Variants in TTC34 observed in about 807,000 individuals in gnomAD.
TTC34 encodes the protein tetratricopeptide repeat domain 34.
A neutral mutation model predicts 40.7 loss-of-function variants in TTC34; 44 were observed. That is an observed-to-expected ratio of 1.08 (90% CI 0.85 to 1.39). The LOEUF is 1.39. Among genes scored for constraint, TTC34 ranks in the 40% most tolerant of loss-of-function variants. The pLI, the probability that TTC34 is intolerant of heterozygous loss-of-function variation, is 0.00. For synonymous variants in TTC34, 422 were observed against 398.6 expected, an observed-to-expected ratio of 1.06 and a Z score of -0.70; for missense variants, 884 against 838.0, an observed-to-expected ratio of 1.05 and a Z score of -0.68.
At chr1:2,776,075 A>T (rs1643129039) in intron 6 of TTC34, 1 of 138,886 alleles carries the variant, frequency 7.2e-6, no homozygotes, top group Admixed American at 6.9e-5. Context: ...CTGGAACAGA[A>T]CCCCACAACT....
intron 6 of TTC34, among the ~76,000 whole-genome samples, chr1:2,756,008 T>A (rs1641493656): frequency 1.2e-5 from 1 of 86,342 alleles, no homozygotes; most frequent in Admixed American, 1.1e-4. Flanking sequence ...TCTGACACCC[T>A]GAAACAGCAC....
At chr1:2,685,134 G>A (rs182569778) in intron 6 of TTC34, among the ~76,000 whole-genome samples, 1 of 15,444 alleles carries the variant, frequency 6.5e-5, no homozygotes, top group South Asian at 1.8e-3. Flanking sequence ...GGCGAGCATC[G>A]GACGGCCTGG....
rs1444491614 is a variant in TTC34 at position 2,684,655 on chromosome 1, C to A, written c.2227-39092G>T. On this transcript the variant is annotated intron_variant, in intron 6 of 8. Coordinates refer to ENST00000401095, the Ensembl canonical transcript of TTC34. ...TCCTCACCTCCAGGTGAGCATCCGA[C>A]AGCCTGGAGCAGCACCCACACGCCC... Among the ~76,000 whole-genome samples the A allele has an allele frequency of 2.8e-4, 31 of 111,078 alleles. 2 individuals carry two copies. Among genetic ancestry groups the A allele is most frequent in the African/African-American group, 1.2e-3 (29 of 24,738 alleles). 72.9% of individuals were successfully genotyped at this position (111,078 alleles called of 152,430 possible).
At chr1:2,657,453 ACCCACGC>A (rs1639389914) in intron 6 of TTC34, among the ~76,000 whole-genome samples, 1 of 86,618 alleles carries the variant, frequency 1.2e-5, no homozygotes, top group Non-Finnish European at 2.9e-5. Flanking sequence ...ATGGAGCAGC[ACCCACGC>A]CCCCAGGCGA....
chr1:2,644,246 G>T lies in TTC34; in HGVS notation c.2712+18C>A. 1 of 1,528,372 alleles carries T rather than the reference G, an allele frequency of 6.5e-7. No individual in the cohort carries two copies. Among genetic ancestry groups the T allele is most frequent in the Non-Finnish European group, 8.8e-7 (1 of 1,141,746 alleles). The allele number at this position is 1,528,372 out of a possible 1,614,324, so 94.7% of individuals were successfully genotyped here. On this transcript the variant is annotated intron_variant, in intron 8 of 8. Coordinates refer to ENST00000401095, the Ensembl canonical transcript of TTC34. ...TGGGGAAGGTTGGGGTGGGAGATCT[G>T]TGGGGTTCTTTGGGCACCTGGGCAA...
intron 6 of TTC34, among the ~76,000 whole-genome samples, chr1:2,688,086 A>T: frequency 6.6e-6 from 1 of 152,224 alleles, no homozygotes; most frequent in African/African-American, 2.4e-5. Flanking sequence ...AGCACCCTGC[A>T]CCCCCAGGTG....
intron 6 of TTC34, among the ~76,000 whole-genome samples, chr1:2,698,289 C>A (rs77133349): frequency 1.4e-5 from 1 of 72,802 alleles, no homozygotes; most frequent in African/African-American, 3.9e-5. Flanking sequence ...CCCTGCACCC[C>A]CGGTGCGCAC....
chr1:2,796,770 T>C lies in TTC34; in HGVS notation c.784+3274A>G, dbSNP rs1489221005. On this transcript the variant is annotated intron_variant, in intron 2 of 8. Coordinates refer to ENST00000401095, the Ensembl canonical transcript of TTC34. The surrounding 1 kb of genome is among the most constrained non-coding windows in gnomAD (Gnocchi z 4.5). ...CCTTCCTCAGAAGCTCACGATTCGG[T>C]GTGACTTTGTTGATCATTTTCTGGT... Among the ~76,000 whole-genome samples, 2 of 152,160 alleles carry C rather than the reference T, an allele frequency of 1.3e-5. No individual in the cohort carries two copies. The highest frequency in any genetic ancestry group is 2.9e-5 in the Non-Finnish European group (2 of 68,028).
chr1:2,785,706 G>A (rs992085050), intron 5 of TTC34, 113 bp downstream of exon 5: 7 of 1,204,152 alleles, frequency 5.8e-6, no homozygotes, highest in Middle Eastern at 2.9e-4. Flanking sequence ...TGTTCCTGAG[G>A]CCCCTGCACC....
chr1:2,657,392 C>T (rs1284148439), intron 6 of TTC34, among the ~76,000 whole-genome samples: 1 of 94,126 alleles, frequency 1.1e-5, no homozygotes, highest in Non-Finnish European at 2.8e-5. Flanking sequence ...CCGAGGTGAG[C>T]ATCTGACCTC....
chr1:2,754,163 G>T (rs1641421408), intron 6 of TTC34, among the ~76,000 whole-genome samples: 1 of 38,172 alleles, frequency 2.6e-5, no homozygotes, highest in Non-Finnish European at 4.2e-5. Context: ...TGATGGTCTG[G>T]AGCAGAACCC....
intron 2 of TTC34, among the ~76,000 whole-genome samples, chr1:2,792,257 C>G (rs1308454983): frequency 6.6e-6 from 1 of 151,836 alleles, no homozygotes; most frequent in Non-Finnish European, 1.5e-5. Flanking sequence ...CCTCAGCCTC[C>G]CAAAGTACTG....
At chr1:2,675,323 C>T in intron 6 of TTC34, among the ~76,000 whole-genome samples, 1 of 134,524 alleles carries the variant, frequency 7.4e-6, no homozygotes, top group African/African-American at 2.7e-5. Flanking sequence ...CAACCATACC[C>T]TCAGGTAAGC....
In TTC34 at chr1:2,756,087, G is replaced by A. The variant is rs1370787080; in HGVS notation, c.2226+27522C>T. ...TACGCCAAGATGAGCATCTGACAGC[G>A]TGGAACAGCACCCTGCACCCCCAGG... On this transcript the variant is annotated intron_variant, in intron 6 of 8. Transcript: ENST00000401095. 2.8e-4 allele frequency among the ~76,000 whole-genome samples: 7 copies of A among 24,780 alleles called. 1 individual carries two copies. Among genetic ancestry groups the A allele is most frequent in the Admixed American group, 2.1e-3 (5 of 2,376 alleles). The allele number at this position is 24,780 out of a possible 152,430, so 16.3% of individuals were successfully genotyped here.
intron 6 of TTC34, among the ~76,000 whole-genome samples, chr1:2,681,206 A>C (rs1290804869): frequency 3.1e-5 from 3 of 97,782 alleles, no homozygotes; most frequent in African/African-American, 4.6e-5. Flanking sequence ...ATCTGAACAC[A>C]CGGAGCAGCA....
At chr1:2,779,087 T>C (rs746495431) in intron 6 of TTC34, among the ~76,000 whole-genome samples, 4 of 152,212 alleles carry the variant, frequency 2.6e-5, no homozygotes, top group Non-Finnish European at 4.4e-5. Flanking sequence ...TGTTGTAGTG[T>C]GTACCAGGAA....
chr1:2,795,089 A>G (rs1643699363), intron 2 of TTC34, among the ~76,000 whole-genome samples: 1 of 139,354 alleles, frequency 7.2e-6, no homozygotes, highest in African/African-American at 2.9e-5. Flanking sequence ...ATCTCTACAA[A>G]AAAAAAAAAA....
intron 2 of TTC34, among the ~76,000 whole-genome samples, chr1:2,791,527 A>G (rs1179147311): frequency 6.6e-6 from 1 of 152,238 alleles, no homozygotes; most frequent in Non-Finnish European, 1.5e-5. Flanking sequence ...CGCTGCGGTC[A>G]CTGCCCTGCT....
At chr1:2,653,778 G>A (rs894910635) in intron 6 of TTC34, among the ~76,000 whole-genome samples, 1 of 133,256 alleles carries the variant, frequency 7.5e-6, no homozygotes, top group Non-Finnish European at 1.6e-5. Flanking sequence ...ACCCCCAGGC[G>A]AGCATCTGAC....
Sources: gnomAD v4.1 joint callset for allele counts (sites outside exome capture counted in the v4.1 genomes callset) on GRCh38, gnomAD v4.1.1 for gene constraint, Gnocchi (gnomAD v3.1) non-coding constraint, MANE v1.5 for transcripts, NCBI Gene and HGNC (gene_info 2026-07-23, HGNC 2026-07-21) for gene names.